CACNB2: variants seen among roughly 807,000 people sequenced by gnomAD.
CACNB2 encodes the protein voltage-dependent L-type calcium channel subunit beta-2.
In CACNB2, 42 loss-of-function variants were observed where a neutral mutation model predicts 73.3. That is an observed-to-expected ratio of 0.57 (90% CI 0.45 to 0.74). CACNB2 has a LOEUF of 0.74. Among genes scored for constraint, CACNB2 ranks in the 30% least tolerant of loss-of-function variants. The pLI is 0.00. For synonymous variants in CACNB2, 348 were observed against 310.3 expected (o/e 1.12, Z -1.28); for missense variants, 940 against 853.0 (o/e 1.10, Z -1.27).
chr10:18,291,636 G>T (rs1423673974), intron 2 of CACNB2, among the ~76,000 whole-genome samples: 1 of 152,092 alleles, frequency 6.6e-6, no homozygotes, highest in Non-Finnish European at 1.5e-5. Context: ...TTTGCATTTG[G>T]GTAACAAAGA....
At chr10:18,244,714 G>C (rs943941222) in intron 2 of CACNB2, among the ~76,000 whole-genome samples, 2 of 152,212 alleles carry the variant, frequency 1.3e-5, no homozygotes, top group African/African-American at 4.8e-5. Flanking sequence ...CACTAGAGTA[G>C]GCTGAGTAAT....
At chr10:18,224,838 A>G (rs1458850476) in intron 2 of CACNB2, among the ~76,000 whole-genome samples, 2 of 152,212 alleles carry the variant, frequency 1.3e-5, no homozygotes, top group Non-Finnish European at 2.9e-5. Context: ...GAAACAGGTT[A>G]AAGGGCCTCA....
At chr10:18,283,468 C>T (rs995961554) in intron 2 of CACNB2, among the ~76,000 whole-genome samples, 1 of 152,102 alleles carries the variant, frequency 6.6e-6, no homozygotes, top group African/African-American at 2.4e-5. Context: ...GGCACATATA[C>T]ACCATGGAAC....
chr10:18,408,753 A>G (rs16917281), intron 3 of CACNB2, among the ~76,000 whole-genome samples: 40,198 of 151,982 alleles, frequency 0.26, 5,814 homozygotes, highest in East Asian at 0.62. Context: ...AGAAGGGCCA[A>G]AATTGTAGTA....
At chr10:18,267,726 G>A (rs1000295828) in intron 2 of CACNB2, among the ~76,000 whole-genome samples, 1 of 152,228 alleles carries the variant, frequency 6.6e-6, no homozygotes, top group South Asian at 2.1e-4. Flanking sequence ...CATGTGTAGA[G>A]AATGAGCTTG....
chr10:18,165,385 G>A (rs1053755777), intron 2 of CACNB2, among the ~76,000 whole-genome samples: 8 of 152,202 alleles, frequency 5.3e-5, no homozygotes, highest in Admixed American at 1.3e-4. Flanking sequence ...AGAGAGAAAC[G>A]ATGTCACTGC....
At chr10:18,357,610 C>T (rs1243724921) in intron 2 of CACNB2, among the ~76,000 whole-genome samples, 1 of 152,150 alleles carries the variant, frequency 6.6e-6, no homozygotes, top group Non-Finnish European at 1.5e-5. Flanking sequence ...CTGGAAAATT[C>T]AGTATATTTT....
chr10:18,344,697 A>C (rs138426738), intron 2 of CACNB2, among the ~76,000 whole-genome samples: 1 of 152,144 alleles, frequency 6.6e-6, no homozygotes, highest in African/African-American at 2.4e-5. Flanking sequence ...TTTTACCACT[A>C]AAAATAGAAG....
intron 3 of CACNB2, among the ~76,000 whole-genome samples, chr10:18,427,943 G>C (rs566992866): frequency 1.3e-5 from 2 of 151,904 alleles, no homozygotes; most frequent in Admixed American, 1.3e-4. Context: ...CAGTTACTTA[G>C]CTCATTATTT....
intron 2 of CACNB2, among the ~76,000 whole-genome samples, chr10:18,302,860 A>C (rs1012181917): frequency 1.3e-5 from 2 of 152,230 alleles, no homozygotes; most frequent in Non-Finnish European, 2.9e-5. Flanking sequence ...GGAAATAAAA[A>C]ATAAAAAATA....
At position 18,528,298 on chromosome 10, in the gene CACNB2, T is replaced by C. The variant is rs997290551; in HGVS notation, c.1054+601T>C. ...AAAACAGTGTAGGGAGTTATTGTGT[T>C]TACAGAGATGGTATGTGGATACTGC... On this transcript the variant is annotated intron_variant, in intron 10 of 13. Transcript: ENST00000324631. Among the ~76,000 whole-genome samples, 3 of 152,046 alleles carry C rather than the reference T, an allele frequency of 2.0e-5. No individual in the cohort carries two copies. The South Asian group carries it at 6.2e-4, about 32-fold the overall frequency.
chr10:18,374,576 T>C (rs1008934140), intron 2 of CACNB2, among the ~76,000 whole-genome samples: 20 of 152,122 alleles, frequency 1.3e-4, no homozygotes, highest in African/African-American at 4.6e-4. Context: ...TTTTAAAAAA[T>C]AGAAAATTTA....
chr10:18,311,793 G>GTT (rs1473540271), intron 2 of CACNB2, among the ~76,000 whole-genome samples: 4 of 152,160 alleles, frequency 2.6e-5, no homozygotes, highest in Non-Finnish European at 4.4e-5. Context: ...AATCTGTGTT[G>GTT]TTCAAGGGTC....
chr10:18,290,773 A>C (rs182603697), intron 2 of CACNB2, among the ~76,000 whole-genome samples: 10 of 152,322 alleles, frequency 6.6e-5, no homozygotes, highest in African/African-American at 2.4e-4. Flanking sequence ...CTGAGGGGGA[A>C]GGCAGAGGTC....
At chr10:18,521,515 C>T (rs2133185032) in intron 9 of CACNB2, among the ~76,000 whole-genome samples, 1 of 152,290 alleles carries the variant, frequency 6.6e-6, no homozygotes, top group African/African-American at 2.4e-5. Flanking sequence ...CTTTCTTTCT[C>T]CTCCTCTTCC....
chr10:18,388,407 G>C (rs951105443), intron 2 of CACNB2, among the ~76,000 whole-genome samples: 10 of 152,066 alleles, frequency 6.6e-5, no homozygotes, highest in Non-Finnish European at 1.5e-4. Flanking sequence ...CTCTAGTTCT[G>C]AAATCACCTC....
Position 18,170,935 on chromosome 10 carries a change from C to A in CACNB2, c.213+19960C>A, listed in dbSNP as rs77845460. Among the ~76,000 whole-genome samples, 487 of 152,258 alleles carry A rather than the reference C, an allele frequency of 3.2e-3. 2 individuals carry two copies. The highest frequency in any genetic ancestry group is 0.011 in the African/African-American group (470 of 41,546). ...TATATTTTTTAAAGTAATGATAATT[C>A]TTGCATGGAATCTTAATTCAATGGA... is the stretch of plus-strand genomic sequence containing the variant. On this transcript the variant is annotated intron_variant, in intron 2 of 13. Transcript: ENST00000324631.
rs527979508 is a variant in CACNB2, at chr10:18,151,855, G to A, written c.213+880G>A. Among the ~76,000 whole-genome samples, 8 of 152,256 alleles carry A rather than the reference G, an allele frequency of 5.3e-5. No individual in the cohort carries two copies. In the South Asian group the frequency reaches 1.7e-3, roughly 32 times the overall value. The stretch of plus-strand genomic sequence containing the variant: ...TGACAGCTCACTCTACGGAACAGTG[G>A]TAGTCAACTGGAAAAGCTGCCTCGT... On this transcript the variant is annotated intron_variant, in intron 2 of 13. Transcript: ENST00000324631.
At chr10:18,152,305 T>C (rs2031629040) in intron 2 of CACNB2, among the ~76,000 whole-genome samples, 2 of 152,106 alleles carry the variant, frequency 1.3e-5, no homozygotes, top group Non-Finnish European at 2.9e-5. Flanking sequence ...TCCGTGCCAA[T>C]TGGGAATTGT....
Sources: gnomAD v4.1 joint callset for allele counts (sites outside exome capture counted in the v4.1 genomes callset) on GRCh38, gnomAD v4.1.1 for gene constraint, MANE v1.5 for transcripts, NCBI Gene and HGNC (gene_info 2026-07-23, HGNC 2026-07-21) for gene names.